Variants in STUM observed in about 807,000 individuals in gnomAD.
The protein encoded by STUM is stum, mechanosensory transduction mediator homolog.
Under a neutral mutation model 15.3 loss-of-function variants are expected in STUM, and 8 were observed. The observed-to-expected ratio is 0.52, with a 90% CI of 0.31 to 0.94. STUM has a LOEUF of 0.94. Ranked by LOEUF, STUM falls within the 40% of genes least tolerant of loss-of-function variation. The pLI, the probability that STUM is intolerant of heterozygous loss-of-function variation, is 0.05. For synonymous variants in STUM, 78 were observed against 88.7 expected (o/e 0.88, Z 0.68); for missense variants, 142 against 204.9 (o/e 0.69, Z 1.87).
chr1:226,580,153 ATGGGC>A (rs1667896004), intron 1 of STUM, among the ~76,000 whole-genome samples: 1 of 152,034 alleles, frequency 6.6e-6, no homozygotes, highest in African/African-American at 2.4e-5. Flanking sequence ...TTGGTCTCAG[ATGGGC>A]TGTGTGGGAG....
At chr1:226,581,669 G>A (rs1182442019) in intron 1 of STUM, among the ~76,000 whole-genome samples, 1 of 152,144 alleles carries the variant, frequency 6.6e-6, no homozygotes, top group Non-Finnish European at 1.5e-5. Context: ...GGTGGGGGAG[G>A]ATGGACAGCC....
chr1:226,605,505 G>A lies in STUM; in HGVS notation c.*3465G>A, dbSNP rs1000489447. 3 of 152,166 alleles carry A rather than the reference G, an allele frequency of 2.0e-5. No homozygotes were observed. Among genetic ancestry groups the A allele is most frequent in the Non-Finnish European group, 4.4e-5 (3 of 68,042 alleles). The allele number at this position is 152,166 out of a possible 1,614,324, so 9.4% of individuals were successfully genotyped here. On this transcript the variant is annotated 3_prime_UTR_variant, in exon 4 of 4. Transcript: ENST00000366788. The surrounding 1 kb of genome is among the most constrained non-coding windows in gnomAD (Gnocchi z 4.0). ...GGGTCCTCACCCCTCAGGAGTAATA[G>A]GGTGATTATGTCACATGTTTAGTGA...
At chr1:226,554,001 G>T (rs889319874) in intron 1 of STUM, among the ~76,000 whole-genome samples, 2 of 152,134 alleles carry the variant, frequency 1.3e-5, no homozygotes, top group Non-Finnish European at 1.5e-5. Flanking sequence ...ACCCCCACCC[G>T]ATGCCATATG....
intron 1 of STUM, among the ~76,000 whole-genome samples, chr1:226,569,450 C>T (rs1161852106): frequency 6.6e-6 from 1 of 152,176 alleles, no homozygotes; most frequent in Non-Finnish European, 1.5e-5. Flanking sequence ...ATGGCTGGTA[C>T]AATACCTGGC....
chr1:226,599,214 CA>C (rs1232709001), intron 2 of STUM, among the ~76,000 whole-genome samples: 3 of 152,158 alleles, frequency 2.0e-5, no homozygotes, highest in East Asian at 1.9e-4. Context: ...CAAACCATAT[CA>C]GGGGGATAGA....
intron 1 of STUM, among the ~76,000 whole-genome samples, chr1:226,582,309 T>C (rs1667931002): frequency 6.6e-6 from 1 of 152,244 alleles, no homozygotes; most frequent in Non-Finnish European, 1.5e-5. Flanking sequence ...GACACCAGTA[T>C]GGGCTGGGCG....
Position 226,596,912 on chromosome 1 carries a change from C to G in STUM, c.313C>G (p.Leu105Val), listed in dbSNP as rs1250564435. 1 of 1,614,278 alleles carries G rather than the reference C, an allele frequency of 6.2e-7. No homozygotes were observed. Among genetic ancestry groups the G allele is most frequent in the Non-Finnish European group, 8.5e-7 (1 of 1,180,046 alleles). ...LNIAAALIQI[L>V]TAIVMVGWIM... is the part of the protein sequence containing the mutation. ...CATTGCAGCAGCCCTCATCCAAATCCTCACTGCCATCGTCATGGTGGGCTG... is the reference window on the plus strand; with the variant it reads ...CATTGCAGCAGCCCTCATCCAAATCGTCACTGCCATCGTCATGGTGGGCTG... The change falls in exon 2 of 4, where the codon CTC becomes GTC. Residue 105 changes from leucine (L) to valine (V), a missense_variant. By Grantham distance (32) the Leu-to-Val change is conservative. This residue lies in a region of STUM where 29 missense variants were observed against 70.5 expected (regional missense o/e 0.41). Coordinates refer to ENST00000366788, the MANE Select transcript of STUM (RefSeq NM_001003665.4).
intron 1 of STUM, among the ~76,000 whole-genome samples, chr1:226,592,546 G>A (rs947485843): frequency 2.6e-5 from 4 of 152,236 alleles, no homozygotes; most frequent in Non-Finnish European, 2.9e-5. Context: ...AAGAGGTAAT[G>A]TAGGTAGAGA....
intron 1 of STUM, among the ~76,000 whole-genome samples, chr1:226,596,013 CA>C (rs369469483): frequency 6.6e-4 from 101 of 152,236 alleles, no homozygotes; most frequent in African/African-American, 2.2e-3. Context: ...CGGTTGTTGT[CA>C]GGAGGGCTCA....
chr1:226,596,726 C>T (rs1217762086), intron 1 of STUM, 76 bp from the exon 2 acceptor site: 2 of 1,363,872 alleles, frequency 1.5e-6, no homozygotes, highest in Non-Finnish European at 2.0e-6. Flanking sequence ...CAGCTGGGCC[C>T]CAGGCCAGCA....
At position 226,596,862 on chromosome 1, in the gene STUM, A is replaced by G. The variant is rs1668189347; in HGVS notation, c.263A>G (p.His88Arg). 5 of 1,614,232 alleles carry G rather than the reference A, an allele frequency of 3.1e-6. No individual in the cohort carries two copies. Among genetic ancestry groups the G allele is most frequent in the Non-Finnish European group, 4.2e-6 (5 of 1,180,030 alleles). Residue 88 changes from histidine to arginine, a missense_variant, in exon 2 of 4, where the codon CAT (histidine) becomes CGT (arginine). His to Arg is a conservative substitution (Grantham distance 29, BLOSUM62 0). This residue lies in a region of STUM where 29 missense variants were observed against 70.5 expected (regional missense o/e 0.41). Coordinates refer to ENST00000366788, the MANE Select transcript of STUM (RefSeq NM_001003665.4). ...GCCCGCACCGACCTCCCGGACAGGCATGTGTGCTGCGTCTTCTGGCTGAAC... is the reference window on the plus strand; with the variant it reads ...GCCCGCACCGACCTCCCGGACAGGCGTGTGTGCTGCGTCTTCTGGCTGAAC... ...CGARTDLPDR[H>R]VCCVFWLNIA...
intron 1 of STUM, among the ~76,000 whole-genome samples, chr1:226,569,924 A>T (rs748834346): frequency 6.6e-6 from 1 of 152,192 alleles, no homozygotes; most frequent in Non-Finnish European, 1.5e-5. Flanking sequence ...GCTGCTCTGC[A>T]GTAAGGTGAG....
rs1235231588 is a variant in STUM, at chr1:226,606,517, T to C, written c.*4477T>C. On this transcript the variant is annotated 3_prime_UTR_variant, in exon 4 of 4. Coordinates refer to ENST00000366788, the MANE Select transcript of STUM (RefSeq NM_001003665.4). ...CATTGCATAAATGCTTGGGGGCGTGTCATTTAAATGGAAGTTCTCCAATAG... is the reference window on the plus strand; with the variant it reads ...CATTGCATAAATGCTTGGGGGCGTGCCATTTAAATGGAAGTTCTCCAATAG... The C allele has an allele frequency of 6.6e-6, 1 of 152,196 alleles. No individual in the cohort carries two copies. The highest frequency in any genetic ancestry group is 6.5e-5 in the Admixed American group (1 of 15,288). 9.4% of individuals were successfully genotyped at this position (152,196 alleles called of 1,614,324 possible).
At chr1:226,577,211 C>T (rs942337820) in intron 1 of STUM, among the ~76,000 whole-genome samples, 4 of 152,232 alleles carry the variant, frequency 2.6e-5, no homozygotes, top group Non-Finnish European at 5.9e-5. Context: ...CTTGGCTGTG[C>T]TGCCTTTGAA....
rs369761298 is a variant in STUM, at chr1:226,567,288, G to A, written c.202+18182G>A. Among the ~76,000 whole-genome samples the A allele has an allele frequency of 1.3e-3, 199 of 152,162 alleles. No homozygotes were observed. The highest frequency in any genetic ancestry group is 2.5e-3 in the East Asian group (13 of 5,178). ...ATCCAACGGGTGGTGACGGCCCCGC[G>A]GGCTCTTTTCTCAAACCAGATTCGT... is the stretch of plus-strand genomic sequence containing the variant. On this transcript the variant is annotated intron_variant, in intron 1 of 3. Coordinates refer to ENST00000366788, the MANE Select transcript of STUM (RefSeq NM_001003665.4). The surrounding 1 kb of genome is among the most constrained non-coding windows in gnomAD (Gnocchi z 4.5).
At chr1:226,595,716 A>C (rs752573713) in intron 1 of STUM, among the ~76,000 whole-genome samples, 14 of 152,234 alleles carry the variant, frequency 9.2e-5, no homozygotes, top group Non-Finnish European at 1.6e-4. Flanking sequence ...ATATAAAGAC[A>C]GAAGCAGAGG....
chr1:226,564,937 G>A (rs1301509591), intron 1 of STUM, among the ~76,000 whole-genome samples: 1 of 152,202 alleles, frequency 6.6e-6, no homozygotes, highest in Non-Finnish European at 1.5e-5. Flanking sequence ...AGGTAGGCCA[G>A]TGGCTCCCAC....
intron 1 of STUM, among the ~76,000 whole-genome samples, chr1:226,574,011 T>G (rs1667765002): frequency 6.6e-6 from 1 of 152,160 alleles, no homozygotes; most frequent in African/African-American, 2.4e-5. Context: ...ATTTTTTGTA[T>G]TTTTAGTAGA....
At chr1:226,587,390 T>G (rs1668013724) in intron 1 of STUM, among the ~76,000 whole-genome samples, 1 of 152,042 alleles carries the variant, frequency 6.6e-6, no homozygotes, top group South Asian at 2.1e-4. Flanking sequence ...CTGTCGTCTT[T>G]CCTTTATGCC....
Sources: gnomAD v4.1 joint callset for allele counts (sites outside exome capture counted in the v4.1 genomes callset) on GRCh38, gnomAD v4.1.1 for gene constraint, gnomAD v4.1.1 regional missense constraint, Gnocchi (gnomAD v3.1) non-coding constraint, MANE v1.5 for transcripts, NCBI Gene and HGNC (gene_info 2026-07-23, HGNC 2026-07-21) for gene names.